The following LIPG variants were observed in gnomAD, a reference collection of about 807,000 sequenced individuals.
LIPG encodes lipase G, endothelial type, also known as endothelial lipase.
Under a neutral mutation model 51.8 loss-of-function variants are expected in LIPG, and 34 were observed. The observed-to-expected ratio is 0.66, with a 90% CI of 0.50 to 0.87. The LOEUF (loss-of-function observed/expected upper bound fraction) is 0.87, where lower values mean the gene tolerates loss of function less well. Among genes scored for constraint, LIPG ranks in the 40% least tolerant of loss-of-function variants. The pLI is 0.00. For synonymous variants in LIPG, 246 were observed against 246.1 expected (o/e 1.00, Z 0.00); for missense variants, 580 against 652.7 (o/e 0.89, Z 1.21).
chr18:49,578,301 T>C (rs2084752567), intron 5 of LIPG, among the ~76,000 whole-genome samples: 2 of 136,762 alleles, frequency 1.5e-5, no homozygotes, highest in East Asian at 2.2e-4. Flanking sequence ...TCCTCACTTC[T>C]CAGACGGGGC....
At chr18:49,584,436 T>G (rs1030497500) in intron 8 of LIPG, among the ~76,000 whole-genome samples, 2 of 152,176 alleles carry the variant, frequency 1.3e-5, no homozygotes, top group African/African-American at 4.8e-5. Context: ...TGAGCAGGCT[T>G]TTTTCTAAAC....
At chr18:49,588,440 G>A (rs1321259838) in intron 9 of LIPG, among the ~76,000 whole-genome samples, 1 of 152,080 alleles carries the variant, frequency 6.6e-6, no homozygotes, top group Middle Eastern at 3.4e-3. Flanking sequence ...CTGCTACCAC[G>A]CCTGGCTAAT....
At chr18:49,579,863 G>A (rs558948537) in intron 5 of LIPG, among the ~76,000 whole-genome samples, 329 of 146,432 alleles carry the variant, frequency 2.2e-3, no homozygotes, top group Non-Finnish European at 3.8e-3. Context: ...CCCCAGGCTG[G>A]AGTGCAATGG....
At position 49,595,935 on chromosome 18, in the gene LIPG, G is replaced by A. The variant is rs1194874037; in HGVS notation, c.*5413G>A. On this transcript the variant is annotated 3_prime_UTR_variant, in exon 10 of 10. Coordinates refer to ENST00000261292, the MANE Select transcript of LIPG (RefSeq NM_006033.4). ...TTAGTCTTTGGGAAAGGAATGGATG[G>A]ATGATGAGAAAGTAGGCTCATTTGA... 4 of 152,200 alleles carry A rather than the reference G, an allele frequency of 2.6e-5. No individual in the cohort carries two copies. Among genetic ancestry groups the A allele is most frequent in the African/African-American group, 9.7e-5 (4 of 41,438 alleles). 9.4% of individuals were successfully genotyped at this position (152,200 alleles called of 1,614,324 possible).
intron 5 of LIPG, among the ~76,000 whole-genome samples, chr18:49,581,182 T>A (rs2084814375): frequency 6.6e-6 from 1 of 152,116 alleles, no homozygotes; most frequent in Non-Finnish European, 1.5e-5. Context: ...ATCACCTGAA[T>A]CTCGGAAGTT....
rs1600541675 is a variant in LIPG at position 49,565,322 on chromosome 18, C to T, written c.103C>T (p.Leu35Phe). ...FGPEGRLEDKLHKPKATQTEV... is the reference protein window; with the variant it reads ...FGPEGRLEDKFHKPKATQTEV... ...GCTCTGTTCTGTCTCCCCAGATAAG[C>T]TCCACAAACCCAAAGCTACACAGAC... The change falls in exon 2 of 10, where the codon CTC (leucine) becomes TTC (phenylalanine). Residue 35 changes from leucine to phenylalanine, a missense_variant. Coordinates refer to ENST00000261292, the MANE Select transcript of LIPG (RefSeq NM_006033.4). The T allele has an allele frequency of 1.2e-6, 2 of 1,614,036 alleles. No individual in the cohort carries two copies. Among genetic ancestry groups the T allele is most frequent in the Non-Finnish European group, 1.7e-6 (2 of 1,180,000 alleles).
intron 5 of LIPG, 35 bp downstream of exon 5, chr18:49,575,625 A>G (rs1267256342): frequency 1.9e-6 from 3 of 1,570,556 alleles, no homozygotes; most frequent in South Asian, 1.1e-5. Flanking sequence ...TGTTTGACTC[A>G]GTTTATTCCA....
At position 49,586,768 on chromosome 18, in the gene LIPG, C is replaced by T. The variant is rs138288794; in HGVS notation, c.1399C>T (p.Pro467Ser). ...TAGACTGACATTTTGTACAGAAGAC[C>T]CTGAGAACACCAGCATATCCCCAGG... Reference protein sequence around the residue: ...QRKLTFCTEDPENTSISPGRE... With the variant: ...QRKLTFCTEDSENTSISPGRE... The change falls in exon 9 of 10, where the codon CCT (proline) becomes TCT (serine). Residue 467 changes from proline (P) to serine (S), a missense_variant. Pro to Ser is a moderately conservative substitution (Grantham distance 74). Transcript: ENST00000261292. 5.9e-4 allele frequency: 953 copies of T among 1,614,000 alleles called. 15 individuals carry two copies. In the South Asian group the frequency reaches 8.8e-3, roughly 15 times the overall value.
chr18:49,571,470 G>T (rs1279966143), intron 4 of LIPG, among the ~76,000 whole-genome samples: 1 of 152,232 alleles, frequency 6.6e-6, no homozygotes, highest in East Asian at 1.9e-4. Context: ...GAGCCAGGCA[G>T]AATGCTAATT....
intron 6 of LIPG, 39 bp from the exon 7 acceptor site, chr18:49,582,323 G>A (rs753497760): frequency 2.5e-6 from 4 of 1,613,768 alleles, no homozygotes; most frequent in Non-Finnish European, 3.4e-6. Context: ...GTGATGACAA[G>A]CAAGGGTTAC....
intron 5 of LIPG, among the ~76,000 whole-genome samples, chr18:49,579,566 C>A (rs942079078): frequency 6.6e-6 from 1 of 151,970 alleles, no homozygotes; most frequent in Non-Finnish European, 1.5e-5. Context: ...TGGCTGCTGA[C>A]AGCATTTCCT....
chr18:49,567,429 C>T lies in LIPG; in HGVS notation c.280-13C>T. On this transcript the variant is annotated splice_polypyrimidine_tract_variant and intron_variant, in intron 2 of 9. Coordinates refer to ENST00000261292, the MANE Select transcript of LIPG (RefSeq NM_006033.4). ...AACCAAGAATAAAAAACAACTTCCA[C>T]TTTTCTCTGCAGATGAGCGGTATCT... is the stretch of plus-strand genomic sequence containing the variant. 4 of 1,613,214 alleles carry T rather than the reference C, an allele frequency of 2.5e-6. No individual in the cohort carries two copies. The highest frequency in any genetic ancestry group is 2.5e-6 in the Non-Finnish European group (3 of 1,179,490).
intron 4 of LIPG, among the ~76,000 whole-genome samples, chr18:49,574,670 A>T (rs11872765): frequency 0.23 from 35,217 of 152,000 alleles, 4,552 homozygotes; most frequent in East Asian, 0.32. Context: ...AATTTCAAAT[A>T]TGAGAACCAG....
upstream of LIPG, chr18:49,561,661 A>C: frequency 8.1e-7 from 1 of 1,236,208 alleles, no homozygotes; most frequent in Non-Finnish European, 1.0e-6. Context: ...TCCCAGAGAG[A>C]GTGTGGCTTT....
chr18:49,576,125 A>T (rs2084713382), intron 5 of LIPG, among the ~76,000 whole-genome samples: 1 of 151,942 alleles, frequency 6.6e-6, no homozygotes, highest in Non-Finnish European at 1.5e-5. Flanking sequence ...GGTGTGAGCC[A>T]CCGCACCCGG....
At chr18:49,562,548 G>A in intron 1 of LIPG, 143 bp downstream of exon 1, 1 of 787,250 alleles carries the variant, frequency 1.3e-6, no homozygotes, top group Non-Finnish European at 2.2e-6. Flanking sequence ...AATCCACCTT[G>A]GAGTCCACCT....
intron 8 of LIPG, among the ~76,000 whole-genome samples, chr18:49,584,440 T>C (rs950962112): frequency 1.3e-5 from 2 of 152,318 alleles, no homozygotes; most frequent in Middle Eastern, 3.4e-3. Flanking sequence ...CAGGCTTTTT[T>C]CTAAACAGAA....
rs149334234 is a variant in LIPG at position 49,571,241 on chromosome 18, G to A, written c.571+1693G>A. 6.2e-3 allele frequency among the ~76,000 whole-genome samples: 944 copies of A among 152,290 alleles called. 7 individuals carry two copies. The highest frequency in any genetic ancestry group is 0.021 in the African/African-American group (880 of 41,572). On this transcript the variant is annotated intron_variant, in intron 4 of 9. Transcript: ENST00000261292. ...CCTCTTCCTAGCCCCTGAATGAGAG[G>A]TGTGATGTTTCAGATCCAGGCACCT... is the stretch of plus-strand genomic sequence containing the variant.
chr18:49,581,362 CT>C, intron 5 of LIPG, 52 bp from the exon 6 acceptor site: 1 of 1,610,534 alleles, frequency 6.2e-7, no homozygotes, highest in Non-Finnish European at 8.5e-7. Flanking sequence ...ATTTGAGTGT[CT>C]AATCATCAAG....
Sources: gnomAD v4.1 joint callset for allele counts (sites outside exome capture counted in the v4.1 genomes callset) on GRCh38, gnomAD v4.1.1 for gene constraint, MANE v1.5 for transcripts, NCBI Gene and HGNC (gene_info 2026-07-23, HGNC 2026-07-21) for gene names.